TMEM114: variants seen among roughly 807,000 people sequenced by gnomAD.
TMEM114 encodes the protein claudin-26.
Under a neutral mutation model 6.2 loss-of-function variants are expected in TMEM114, and 6 were observed. That is an observed-to-expected ratio of 0.97 (90% CI 0.53 to 1.91). The LOEUF (loss-of-function observed/expected upper bound fraction) is 1.91, where lower values mean the gene tolerates loss of function less well. Among genes scored for constraint, TMEM114 ranks in the 40% most tolerant of loss-of-function variants. The pLI, the probability that TMEM114 is intolerant of heterozygous loss-of-function variation, is 0.01. For synonymous variants in TMEM114, 104 were observed against 73.0 expected (o/e 1.42, Z -2.16); for missense variants, 218 against 158.3 (o/e 1.38, Z -2.02).
At chr16:8,547,352 A>G (rs914594714) in intron 2 of TMEM114, among the ~76,000 whole-genome samples, 2 of 150,350 alleles carry the variant, frequency 1.3e-5, no homozygotes. Flanking sequence ...ATGCATTCCC[A>G]TTGCCCCTGA....
chr16:8,533,909 G>C (rs1900284202), downstream of TMEM114, among the ~76,000 whole-genome samples: 1 of 152,180 alleles, frequency 6.6e-6, no homozygotes, highest in Admixed American at 6.5e-5. Context: ...GATGCAATCA[G>C]GCATTTCAGA....
At chr16:8,553,370 A>T (rs960999491) in intron 2 of TMEM114, among the ~76,000 whole-genome samples, 6 of 152,194 alleles carry the variant, frequency 3.9e-5, no homozygotes, top group Admixed American at 3.3e-4. Context: ...GTAGAGTCCA[A>T]AGAATCAGGA....
chr16:8,558,390 C>G (rs950770820), intron 2 of TMEM114, among the ~76,000 whole-genome samples: 19 of 152,336 alleles, frequency 1.2e-4, no homozygotes, highest in South Asian at 6.2e-4. Context: ...GGCAGCATCT[C>G]TCCAACCCCT....
chr16:8,545,271 C>G (rs150048772), intron 2 of TMEM114, among the ~76,000 whole-genome samples: 5 of 152,180 alleles, frequency 3.3e-5, no homozygotes, highest in African/African-American at 1.2e-4. Flanking sequence ...GAGCCCTTAT[C>G]TACAAAAAAT....
At chr16:8,562,541 T>TGAATGAGTGAGTGAGC (rs1346077137) in intron 2 of TMEM114, among the ~76,000 whole-genome samples, 1 of 149,180 alleles carries the variant, frequency 6.7e-6, no homozygotes, top group African/African-American at 2.5e-5. Context: ...AGTGAGTGAG[T>TGAATGAGTGAGTGAGC]GAATGAGTGA....
chr16:8,586,062 T>C (rs887472192), intron 2 of TMEM114, among the ~76,000 whole-genome samples: 9 of 152,154 alleles, frequency 5.9e-5, no homozygotes, highest in Non-Finnish European at 1.0e-4. Context: ...CCAGTGCCTA[T>C]TGTGGTTAGC....
intron 2 of TMEM114, among the ~76,000 whole-genome samples, chr16:8,557,335 C>T (rs1226532259): frequency 6.6e-6 from 1 of 152,138 alleles, no homozygotes; most frequent in Non-Finnish European, 1.5e-5. Context: ...AGCCCTGATA[C>T]TACCATATTG....
At chr16:8,534,383 A>T (rs1297127136), downstream of TMEM114, among the ~76,000 whole-genome samples, 1 of 151,266 alleles carries the variant, frequency 6.6e-6, no homozygotes, top group South Asian at 2.1e-4. Context: ...CATGTCCTTT[A>T]TAGCTATCAC....
chr16:8,540,602 A>G (rs1799914545), intron 2 of TMEM114, among the ~76,000 whole-genome samples: 2 of 139,120 alleles, frequency 1.4e-5, no homozygotes, highest in African/African-American at 2.7e-5. Context: ...GTTGATAAGA[A>G]CAGGTGAAGT....
chr16:8,553,961 C>G (rs749497962), intron 2 of TMEM114, among the ~76,000 whole-genome samples: 1 of 151,942 alleles, frequency 6.6e-6, no homozygotes, highest in African/African-American at 2.4e-5. Context: ...TCACTGCAAC[C>G]TCTGGCTCCC....
At chr16:8,570,054 G>C in intron 3 of TMEM114, 49 bp from the exon 4 acceptor site, 2 of 1,512,758 alleles carry the variant, frequency 1.3e-6, no homozygotes, top group Non-Finnish European at 1.8e-6. Flanking sequence ...CCCCGCCCCA[G>C]CACTCCCCTC....
intron 2 of TMEM114, among the ~76,000 whole-genome samples, chr16:8,584,704 C>T (rs190899188): frequency 4.0e-4 from 61 of 152,074 alleles, no homozygotes; most frequent in African/African-American, 1.3e-3. Context: ...GGCAGATCAC[C>T]TGAGGTCAGG....
intron 2 of TMEM114, among the ~76,000 whole-genome samples, chr16:8,541,158 C>T (rs908423305): frequency 1.8e-4 from 28 of 152,094 alleles, no homozygotes; most frequent in African/African-American, 6.0e-4. Context: ...TATATCATAT[C>T]GTCTAAACTC....
At chr16:8,549,181 C>CAAAAA (rs1216258524) in intron 2 of TMEM114, among the ~76,000 whole-genome samples, 34 of 49,268 alleles carry the variant, frequency 6.9e-4, no homozygotes, top group Non-Finnish European at 7.7e-4. Flanking sequence ...GACTCCATCT[C>CAAAAA]AAAAAAAAAA....
chr16:8,582,562 C>G (rs1483384953), intron 2 of TMEM114, among the ~76,000 whole-genome samples: 1 of 152,212 alleles, frequency 6.6e-6, no homozygotes, highest in African/African-American at 2.4e-5. Context: ...TGAAACTATA[C>G]TCAGAGTTGC....
intron 2 of TMEM114, among the ~76,000 whole-genome samples, chr16:8,562,118 AAGTGAATGAGTG>A (rs1272617848): frequency 7.8e-6 from 1 of 129,000 alleles, no homozygotes; most frequent in Non-Finnish European, 1.6e-5. Context: ...GCGAATAAGT[AAGTGAATGAGTG>A]AGTGAATGAG....
intron 2 of TMEM114, among the ~76,000 whole-genome samples, chr16:8,540,116 G>A (rs1255602350): frequency 6.6e-6 from 1 of 152,150 alleles, no homozygotes; most frequent in Non-Finnish European, 1.5e-5. Flanking sequence ...GAACTGCTGT[G>A]CCGGGCCACA....
At chr16:8,535,417 T>G (rs1567192057), downstream of TMEM114, among the ~76,000 whole-genome samples, 1 of 151,136 alleles carries the variant, frequency 6.6e-6, no homozygotes, top group Non-Finnish European at 1.5e-5. Flanking sequence ...GATTTTTTTT[T>G]CTTCTTACAA....
chr16:8,550,450 G>A (rs1900804684), intron 2 of TMEM114, among the ~76,000 whole-genome samples: 1 of 150,848 alleles, frequency 6.6e-6, no homozygotes, highest in African/African-American at 2.4e-5. Context: ...GGAGGCCAAG[G>A]CGGGCGGATG....
Sources: gnomAD v4.1 joint callset for allele counts (sites outside exome capture counted in the v4.1 genomes callset) on GRCh38, gnomAD v4.1.1 for gene constraint, MANE v1.5 for transcripts, NCBI Gene and HGNC (gene_info 2026-07-23, HGNC 2026-07-21) for gene names.